PLXNA4: variants seen among roughly 807,000 people sequenced by gnomAD.
The protein encoded by PLXNA4 is plexin-A4.
PLXNA4 carries 44 observed loss-of-function variants against 191.8 expected under a neutral mutation model. That is an observed-to-expected ratio of 0.23 (90% CI 0.18 to 0.29). The LOEUF (loss-of-function observed/expected upper bound fraction) is 0.29, where lower values mean the gene tolerates loss of function less well. Among genes scored for constraint, PLXNA4 ranks in the 10% least tolerant of loss-of-function variants. The pLI, the probability that PLXNA4 is intolerant of heterozygous loss-of-function variation, is 1.00. For missense variants in PLXNA4, 1,800 were observed against 2,488.8 expected (o/e 0.72, Z 5.89); for synonymous variants, 1,082 against 1,009.5 (o/e 1.07, Z -1.36).
intron 1 of PLXNA4, among the ~76,000 whole-genome samples, chr7:132,520,055 G>C (rs560628709): frequency 6.6e-6 from 1 of 152,208 alleles, no homozygotes; most frequent in South Asian, 2.1e-4. Flanking sequence ...GCAGAGCCAC[G>C]TGATGTGATG....
chr7:132,263,759 T>A (rs1365789856), intron 4 of PLXNA4, among the ~76,000 whole-genome samples: 1 of 152,162 alleles, frequency 6.6e-6, no homozygotes, highest in Non-Finnish European at 1.5e-5. Context: ...TTTTGAGAAG[T>A]CATTTAACCT....
At chr7:132,466,604 T>C (rs1796714084) in intron 3 of PLXNA4, among the ~76,000 whole-genome samples, 1 of 152,108 alleles carries the variant, frequency 6.6e-6, no homozygotes, top group African/African-American at 2.4e-5. Context: ...GGTCCAGCCC[T>C]CCCAAGATGC....
intron 11 of PLXNA4, 60 bp downstream of exon 11, chr7:132,203,263 C>T: frequency 6.7e-7 from 1 of 1,493,744 alleles, no homozygotes; most frequent in Non-Finnish European, 9.3e-7. Flanking sequence ...AGGACGGCTC[C>T]TTCCCTCTCT....
At chr7:132,343,132 C>T (rs1803104907) in intron 3 of PLXNA4, among the ~76,000 whole-genome samples, 1 of 151,154 alleles carries the variant, frequency 6.6e-6, no homozygotes, top group Admixed American at 6.6e-5. Flanking sequence ...GTTAGGAAAA[C>T]CCACTACAAA....
chr7:132,253,232 C>CTTTTTTTTT (rs56010775), intron 4 of PLXNA4, among the ~76,000 whole-genome samples: 5 of 134,446 alleles, frequency 3.7e-5, no homozygotes, highest in Admixed American at 7.5e-5. Context: ...TTTCTTTTTT[C>CTTTTTTTTT]TTTTTTTTTT....
chr7:132,599,798 AATAAAG>A (rs1802783486), intron 2 of PLXNA4, among the ~76,000 whole-genome samples: 1 of 152,008 alleles, frequency 6.6e-6, no homozygotes, highest in South Asian at 2.1e-4. Context: ...AATTTTTTTC[AATAAAG>A]ATAATGTTTA....
chr7:132,558,741 C>A (rs574011261), intron 1 of PLXNA4, among the ~76,000 whole-genome samples: 3 of 152,354 alleles, frequency 2.0e-5, no homozygotes, highest in Non-Finnish European at 4.4e-5. Flanking sequence ...CAGTACCCCG[C>A]CTCTTTCGCC....
chr7:132,417,290 G>A (rs764828061), intron 3 of PLXNA4, among the ~76,000 whole-genome samples: 4 of 152,214 alleles, frequency 2.6e-5, no homozygotes, highest in Admixed American at 6.5e-5. Context: ...TCTCCTACCC[G>A]CCACATTATT....
chr7:132,303,717 T>G (rs1027712519), intron 3 of PLXNA4, among the ~76,000 whole-genome samples: 3 of 152,184 alleles, frequency 2.0e-5, no homozygotes, highest in Non-Finnish European at 2.9e-5. Flanking sequence ...ACACCCACCA[T>G]GTGTCTGTTG....
chr7:132,460,524 T>A (rs1488651945), intron 3 of PLXNA4, among the ~76,000 whole-genome samples: 2 of 152,080 alleles, frequency 1.3e-5, no homozygotes, highest in Non-Finnish European at 2.9e-5. Flanking sequence ...GAGGTTCAGG[T>A]GGCAAAGAAC....
chr7:132,539,160 C>T (rs1042078161), intron 1 of PLXNA4, among the ~76,000 whole-genome samples: 1 of 152,186 alleles, frequency 6.6e-6, no homozygotes, highest in African/African-American at 2.4e-5. Context: ...CTGTGGGACA[C>T]AGGGAGTCTC....
chr7:132,156,177 CACACAG>C (rs1156523766), intron 25 of PLXNA4, among the ~76,000 whole-genome samples: 2 of 151,294 alleles, frequency 1.3e-5, no homozygotes, highest in African/African-American at 4.9e-5. Context: ...CACACACACA[CACACAG>C]ACGCACACAC....
chr7:132,304,983 C>T (rs570434494), intron 3 of PLXNA4, among the ~76,000 whole-genome samples: 5 of 152,322 alleles, frequency 3.3e-5, no homozygotes, highest in South Asian at 4.1e-4. Flanking sequence ...TCATTTGATG[C>T]ACCCATGCCT....
Position 132,458,628 on chromosome 7 carries a change from C to T in PLXNA4, c.1371+30664G>A, listed in dbSNP as rs76883609. On this transcript the variant is annotated intron_variant, in intron 3 of 31. Transcript: ENST00000321063. ...GAAAGCAGGCAAAGCACATCTGTGC[C>T]ATGAGAGGTCAGGATGGTGGCTGTC... Among the ~76,000 whole-genome samples, 418 of 151,568 alleles carry T rather than the reference C, an allele frequency of 2.8e-3. 1 individual carries two copies. Among genetic ancestry groups the T allele is most frequent in the African/African-American group, 9.6e-3 (397 of 41,328 alleles).
chr7:132,434,644 G>T (rs1795399397), intron 3 of PLXNA4, among the ~76,000 whole-genome samples: 1 of 152,102 alleles, frequency 6.6e-6, no homozygotes, highest in Admixed American at 6.6e-5. Flanking sequence ...TAACATCTTT[G>T]GGATGAAACG....
chr7:132,198,413 G>T, intron 13 of PLXNA4, 72 bp downstream of exon 13: 1 of 1,538,038 alleles, frequency 6.5e-7, no homozygotes, highest in South Asian at 1.3e-5. Context: ...CCTAGTTGCT[G>T]ACCAGGACAT....
intron 1 of PLXNA4, among the ~76,000 whole-genome samples, chr7:132,513,211 C>A (rs923111980): frequency 6.6e-6 from 1 of 152,168 alleles, no homozygotes; most frequent in Non-Finnish European, 1.5e-5. Context: ...CATGAAATAG[C>A]ACCATCCTCT....
chr7:132,614,808 C>T (rs1803119487), intron 2 of PLXNA4, among the ~76,000 whole-genome samples: 1 of 152,220 alleles, frequency 6.6e-6, no homozygotes, highest in Admixed American at 6.5e-5. Flanking sequence ...ACACCTCCCA[C>T]CGCGGAACTG....
chr7:132,642,587 G>C lies in PLXNA4; in HGVS notation c.-87+3341C>G, dbSNP rs893116008. On this transcript the variant is annotated intron_variant, in intron 2 of 4. Coordinates refer to the PLXNA4 transcript ENST00000378539. ...AGACTTGAAGTTGAGGGCGAGGGAG[G>C]GGGGAACGACAGGGCACAGAGCAGA... Among the ~76,000 whole-genome samples the C allele has an allele frequency of 1.2e-4, 19 of 152,124 alleles. No individual in the cohort carries two copies. The South Asian group carries it at 1.7e-3, about 13-fold the overall frequency.
Sources: allele counts gnomAD v4.1 joint callset (sites outside exome capture counted in the v4.1 genomes callset), GRCh38; gene constraint gnomAD v4.1.1; transcripts MANE v1.5; gene names NCBI Gene and HGNC (gene_info 2026-07-23, HGNC 2026-07-21).